STIM2: variants seen among roughly 807,000 people sequenced by gnomAD.
The protein encoded by STIM2 is stromal interaction molecule 2.
In STIM2, 31 loss-of-function variants were observed where a neutral mutation model predicts 85.8. That is an observed-to-expected ratio of 0.36 (90% CI 0.27 to 0.49). STIM2 has a LOEUF of 0.49. Ranked by LOEUF, STIM2 falls within the 20% of genes least tolerant of loss-of-function variation. The probability of loss-of-function intolerance (pLI) is 0.98; values close to 1 mark genes in which losing one functional copy is unlikely to be tolerated. For missense variants in STIM2, 841 were observed against 927.6 expected, an observed-to-expected ratio of 0.91 and a Z score of 1.21; for synonymous variants, 356 against 331.1, an observed-to-expected ratio of 1.08 and a Z score of -0.82.
At chr4:26,867,655 T>C (rs1560548721) in intron 1 of STIM2, among the ~76,000 whole-genome samples, 2 of 152,242 alleles carry the variant, frequency 1.3e-5, no homozygotes, top group Non-Finnish European at 2.9e-5. Flanking sequence ...AATTTCATTG[T>C]TGTGTGAATT....
chr4:26,939,325 A>G (rs1282876525), intron 2 of STIM2, among the ~76,000 whole-genome samples: 2 of 152,062 alleles, frequency 1.3e-5, no homozygotes, highest in African/African-American at 4.8e-5. Flanking sequence ...TCCCCTGCTT[A>G]CTAAATCTGT....
chr4:27,006,671 C>T (rs1728370322), intron 7 of STIM2, among the ~76,000 whole-genome samples: 1 of 152,156 alleles, frequency 6.6e-6, no homozygotes, highest in African/African-American at 2.4e-5. Flanking sequence ...TTTTTCTTAG[C>T]ACTTATCACC....
chr4:26,971,807 T>C (rs1374000040), intron 3 of STIM2, among the ~76,000 whole-genome samples: 1 of 152,234 alleles, frequency 6.6e-6, no homozygotes, highest in Non-Finnish European at 1.5e-5. Flanking sequence ...GGGGATAGCA[T>C]TGAATCTATA....
At chr4:26,896,534 T>G (rs1373262853) in intron 1 of STIM2, among the ~76,000 whole-genome samples, 5 of 152,302 alleles carry the variant, frequency 3.3e-5, no homozygotes, top group Middle Eastern at 3.4e-3. Flanking sequence ...TCTTCTTGCC[T>G]GAATTTTTTT....
intron 3 of STIM2, among the ~76,000 whole-genome samples, chr4:26,978,374 A>C (rs1727274687): frequency 6.6e-6 from 1 of 150,766 alleles, no homozygotes; most frequent in South Asian, 2.1e-4. Context: ...ACAGGAGAAG[A>C]TCAAACTATC....
At chr4:26,985,541 C>A (rs1727551620) in intron 3 of STIM2, among the ~76,000 whole-genome samples, 1 of 152,104 alleles carries the variant, frequency 6.6e-6, no homozygotes, top group South Asian at 2.1e-4. Context: ...TTTCATATAG[C>A]CAACTTTAAA....
chr4:26,961,749 A>C (rs1212026891), intron 3 of STIM2, among the ~76,000 whole-genome samples: 2 of 151,808 alleles, frequency 1.3e-5, no homozygotes, highest in African/African-American at 2.4e-5. Context: ...CATAAATGGT[A>C]GCTCCCCCAT....
At chr4:26,917,102 G>A (rs1237583856) in intron 1 of STIM2, among the ~76,000 whole-genome samples, 1 of 152,098 alleles carries the variant, frequency 6.6e-6, no homozygotes, top group African/African-American at 2.4e-5. Context: ...TCCCTGCCCT[G>A]TTCATAATCT....
In STIM2 at chr4:26,871,940, T is replaced by G. The variant is rs1160526822; in HGVS notation, c.151+10571T>G. 5.3e-5 allele frequency among the ~76,000 whole-genome samples: 8 copies of G among 152,152 alleles called. No individual in the cohort carries two copies. In the East Asian group the frequency reaches 1.3e-3, roughly 26 times the overall value. Reference sequence around the variant, plus strand: ...CCCAGTCTGACAGTGGTTTTGTAATTTTGGGTAGATGATTTAGTCTGTTAG... The same window carrying G: ...CCCAGTCTGACAGTGGTTTTGTAATGTTGGGTAGATGATTTAGTCTGTTAG... On this transcript the variant is annotated intron_variant, in intron 1 of 11. Coordinates refer to ENST00000467087, the MANE Select transcript of STIM2 (RefSeq NM_020860.4).
At chr4:26,876,290 T>G (rs188468031) in intron 1 of STIM2, among the ~76,000 whole-genome samples, 2,809 of 152,206 alleles carry the variant, frequency 0.018, 96 homozygotes, top group African/African-American at 0.065. Context: ...CATGAAGATG[T>G]TAGACAGTCT....
intron 3 of STIM2, among the ~76,000 whole-genome samples, chr4:26,988,188 G>A (rs532604808): frequency 1.5e-4 from 23 of 152,312 alleles, no homozygotes; most frequent in Non-Finnish European, 3.1e-4. Flanking sequence ...AAAATAACAA[G>A]TTCCTGCCCT....
At chr4:26,868,426 G>A (rs945957070) in intron 1 of STIM2, among the ~76,000 whole-genome samples, 20 of 152,210 alleles carry the variant, frequency 1.3e-4, no homozygotes, top group African/African-American at 4.3e-4. Flanking sequence ...CTCAAAAACT[G>A]TTTTGTTTAA....
chr4:26,886,420 AAAT>A (rs941769954), intron 1 of STIM2, among the ~76,000 whole-genome samples: 7 of 152,214 alleles, frequency 4.6e-5, no homozygotes, highest in African/African-American at 1.7e-4. Flanking sequence ...CAATGAAGGA[AAAT>A]AAAATAGGTG....
intron 4 of STIM2, among the ~76,000 whole-genome samples, 199 bp from the exon 5 acceptor site, chr4:26,999,033 T>C (rs975491994): frequency 6.6e-6 from 1 of 151,232 alleles, no homozygotes; most frequent in African/African-American, 2.4e-5. Context: ...CATACAGGAG[T>C]CTTTCTACAG....
intron 1 of STIM2, among the ~76,000 whole-genome samples, chr4:26,884,666 T>C (rs564373181): frequency 6.6e-6 from 1 of 152,340 alleles, no homozygotes; most frequent in Non-Finnish European, 1.5e-5. Context: ...TTGGCTGTAG[T>C]AGAAACACCC....
At chr4:26,984,630 G>T (rs559518552) in intron 3 of STIM2, among the ~76,000 whole-genome samples, 16 of 152,346 alleles carry the variant, frequency 1.1e-4, no homozygotes, top group Non-Finnish European at 2.1e-4. Context: ...CTCCCAAAGT[G>T]CTGGGATTAC....
At chr4:26,870,247 C>T (rs1722563620) in intron 1 of STIM2, among the ~76,000 whole-genome samples, 1 of 150,032 alleles carries the variant, frequency 6.7e-6, no homozygotes. Flanking sequence ...GTGTCATATA[C>T]TGTAATTGAC....
At chr4:26,887,980 G>A (rs546075089) in intron 1 of STIM2, among the ~76,000 whole-genome samples, 11 of 152,286 alleles carry the variant, frequency 7.2e-5, no homozygotes, top group Middle Eastern at 3.4e-3. Flanking sequence ...TGCTGCAGTC[G>A]TGGGGCAGAA....
chr4:26,881,107 G>A (rs1013045669), intron 1 of STIM2, among the ~76,000 whole-genome samples: 5 of 152,142 alleles, frequency 3.3e-5, no homozygotes, highest in Non-Finnish European at 7.3e-5. Flanking sequence ...GAGTTATAGC[G>A]TTTGGGAAGT....
Sources: allele counts gnomAD v4.1 joint callset (sites outside exome capture counted in the v4.1 genomes callset), GRCh38; gene constraint gnomAD v4.1.1; transcripts MANE v1.5; gene names NCBI Gene and HGNC (gene_info 2026-07-23, HGNC 2026-07-21).